PIBF1: variants seen among roughly 807,000 people sequenced by gnomAD.
PIBF1 encodes progesterone immunomodulatory binding factor 1.
In PIBF1, 90 loss-of-function variants were observed where a neutral mutation model predicts 112.5. The ratio of observed to expected loss-of-function variants is 0.80; its 90% CI spans 0.67 to 0.95. The LOEUF (loss-of-function observed/expected upper bound fraction) is 0.95. PIBF1 is among the 40% of genes least tolerant of loss of function. PIBF1 has a pLI of 0.00. For synonymous variants in PIBF1, 301 were observed against 288.6 expected (o/e 1.04, Z -0.44); for missense variants, 915 against 852.3 (o/e 1.07, Z -0.92).
chr13:72,898,611 C>T (rs144454603), intron 11 of PIBF1, among the ~76,000 whole-genome samples: 5 of 149,542 alleles, frequency 3.3e-5, no homozygotes, highest in Admixed American at 2.0e-4. Context: ...CTGAGGTGGG[C>T]GGATCACCTG....
At chr13:72,925,857 A>C (rs2041467558) in intron 13 of PIBF1, among the ~76,000 whole-genome samples, 2 of 151,892 alleles carry the variant, frequency 1.3e-5, no homozygotes, top group African/African-American at 4.8e-5. Flanking sequence ...TTTCTTTTTC[A>C]TGACAAAACT....
intron 11 of PIBF1, among the ~76,000 whole-genome samples, chr13:72,899,530 A>G (rs1047739892): frequency 2.6e-5 from 4 of 152,316 alleles, no homozygotes; most frequent in African/African-American, 4.8e-5. Context: ...TTACACCTCA[A>G]TAGATGCAGA....
At chr13:72,861,150 A>G (rs1182798717) in intron 10 of PIBF1, among the ~76,000 whole-genome samples, 2 of 152,126 alleles carry the variant, frequency 1.3e-5, no homozygotes, top group African/African-American at 2.4e-5. Context: ...AATATATTCT[A>G]TGCAAGGTAC....
At chr13:73,009,098 A>G (rs767504549) in intron 17 of PIBF1, among the ~76,000 whole-genome samples, 6 of 152,248 alleles carry the variant, frequency 3.9e-5, no homozygotes, top group East Asian at 1.9e-4. Flanking sequence ...TAGAATCACA[A>G]TATGGTTGCT....
intron 10 of PIBF1, among the ~76,000 whole-genome samples, chr13:72,868,862 C>T (rs990150193): frequency 6.9e-6 from 1 of 145,386 alleles, no homozygotes; most frequent in Admixed American, 6.8e-5. Flanking sequence ...GATGAAACTA[C>T]TTCTTCCCCA....
chr13:72,838,650 G>T (rs532851754), intron 9 of PIBF1, among the ~76,000 whole-genome samples: 233 of 152,182 alleles, frequency 1.5e-3, no homozygotes, highest in Non-Finnish European at 2.7e-3. Flanking sequence ...GTGTATGAAT[G>T]GTTGAAGTAT....
intron 9 of PIBF1, among the ~76,000 whole-genome samples, chr13:72,844,791 A>ACG (rs1397207614): frequency 4.6e-5 from 6 of 131,128 alleles, no homozygotes; most frequent in African/African-American, 1.2e-4. Flanking sequence ...ACACACACAC[A>ACG]CACACACACG....
intron 14 of PIBF1, among the ~76,000 whole-genome samples, chr13:72,950,720 C>T (rs1404806719): frequency 1.3e-5 from 2 of 152,174 alleles, no homozygotes; most frequent in Admixed American, 6.5e-5. Flanking sequence ...ATGGGCCAGG[C>T]ATTTGTTCTA....
chr13:72,862,862 GT>G (rs1235145065), intron 10 of PIBF1, among the ~76,000 whole-genome samples: 4 of 152,116 alleles, frequency 2.6e-5, no homozygotes, highest in African/African-American at 7.2e-5. Flanking sequence ...GGAAGTGAAC[GT>G]TTAGTGTAAA....
rs139965738 is a variant in PIBF1, at chr13:72,936,008, TTTTATTTA to T, written c.1833+4760_1833+4767del. Among the ~76,000 whole-genome samples the T allele has an allele frequency of 3.5e-3, 530 of 149,432 alleles. 4 individuals are homozygous for T. The highest frequency in any genetic ancestry group is 5.5e-3 in the Non-Finnish European group (371 of 67,172). On this transcript the variant is annotated intron_variant, in intron 14 of 17. Coordinates refer to ENST00000326291, the MANE Select transcript of PIBF1 (RefSeq NM_006346.4). ...ATCTTTTCACCTCTTAATGATGTCT[TTTTATTTA>T]TTTATTTATTTATTTATTATTTATT... is the stretch of plus-strand genomic sequence containing the variant.
rs779528759 is a variant in PIBF1, at chr13:72,908,626, C to A, written c.1584C>A (p.Asp528Glu). The change falls in exon 12 of 18, where the codon GAC becomes GAA. Residue 528 changes from aspartate (D) to glutamate (E), a missense_variant. Asp to Glu is a conservative substitution (Grantham distance 45, BLOSUM62 2). Transcript: ENST00000326291. ...ACTCAGAGCATCAAGCAAGGCTAGA[C>A]ATTTATGAGAAACTGGAAAAAGAGC... ...AQNSEHQARL[D>E]IYEKLEKELD... 4 of 1,612,942 alleles carry A rather than the reference C, an allele frequency of 2.5e-6. No homozygotes were observed. Among genetic ancestry groups the A allele is most frequent in the Non-Finnish European group, 3.4e-6 (4 of 1,179,302 alleles).
chr13:72,844,780 C>CTGTTT (rs1400649594), intron 9 of PIBF1, among the ~76,000 whole-genome samples: 7 of 121,498 alleles, frequency 5.8e-5, no homozygotes, highest in African/African-American at 2.1e-4. Context: ...CACACACACA[C>CTGTTT]ACACACACAC....
intron 9 of PIBF1, among the ~76,000 whole-genome samples, chr13:72,845,515 CT>C (rs1252647140): frequency 6.6e-6 from 1 of 151,934 alleles, no homozygotes; most frequent in African/African-American, 2.4e-5. Flanking sequence ...ATTTATAGTC[CT>C]TTTGGTATAT....
chr13:72,970,922 A>G (rs186040631), intron 15 of PIBF1, among the ~76,000 whole-genome samples: 3 of 152,290 alleles, frequency 2.0e-5, no homozygotes, highest in South Asian at 4.1e-4. Flanking sequence ...GGAAGTCCAC[A>G]TTGTTTGTAA....
intron 14 of PIBF1, among the ~76,000 whole-genome samples, chr13:72,937,533 A>G (rs2041902870): frequency 6.6e-6 from 1 of 152,186 alleles, no homozygotes; most frequent in Non-Finnish European, 1.5e-5. Flanking sequence ...AAACAGTGAT[A>G]ATCAGGCTGG....
At position 72,931,210 on chromosome 13, in the gene PIBF1, G is replaced by A. The variant is rs78338407; in HGVS notation, c.1776G>A (p.Ser592=). 9.8e-4 allele frequency: 1,574 copies of A among 1,612,978 alleles called. 25 individuals are homozygous for A. In the African/African-American group the frequency reaches 0.018, roughly 18 times the overall value. Reference sequence around the variant, plus strand: ...TGCTTCAATTAGAAAAACAAAACTCGCTGATTTTAAAAGATCTGGAACATC... The same window carrying A: ...TGCTTCAATTAGAAAAACAAAACTCACTGATTTTAAAAGATCTGGAACATC... ...RRVLQLEKQN[S]LILKDLEHRK... Residue 592 remains serine (S), a synonymous_variant, in exon 14 of 18, where the codon TCG becomes TCA. Coordinates refer to ENST00000326291, the MANE Select transcript of PIBF1 (RefSeq NM_006346.4).
chr13:72,799,001 G>A (rs1198285119), intron 5 of PIBF1, among the ~76,000 whole-genome samples: 1 of 152,164 alleles, frequency 6.6e-6, no homozygotes, highest in African/African-American at 2.4e-5. Flanking sequence ...GCTGTGCTAG[G>A]TGCTGGCAGT....
At chr13:72,974,023 G>A in intron 16 of PIBF1, 1 of 297,262 alleles carries the variant, frequency 3.4e-6, no homozygotes, top group Non-Finnish European at 6.1e-6. Context: ...TAGATAATTT[G>A]TGTTGAGCTT....
At chr13:72,952,307 G>T (rs947736411) in intron 14 of PIBF1, among the ~76,000 whole-genome samples, 4 of 151,992 alleles carry the variant, frequency 2.6e-5, no homozygotes, top group Non-Finnish European at 5.9e-5. Context: ...ACCTGCCTTG[G>T]CCTCCCAAAG....
Sources: allele counts gnomAD v4.1 joint callset (sites outside exome capture counted in the v4.1 genomes callset), GRCh38; gene constraint gnomAD v4.1.1; transcripts MANE v1.5; gene names NCBI Gene and HGNC (gene_info 2026-07-23, HGNC 2026-07-21).